Variants in CSMD1 observed in about 807,000 individuals in gnomAD.
CSMD1 encodes the protein CUB and sushi domain-containing protein 1.
CSMD1 carries 213 observed loss-of-function variants against 417.5 expected under a neutral mutation model. The ratio of observed to expected loss-of-function variants is 0.51; its 90% CI spans 0.46 to 0.57. The LOEUF is 0.57. CSMD1 is among the 20% of genes least tolerant of loss of function. CSMD1 has a pLI of 0.00. For missense variants in CSMD1, 6,923 were observed against 4,529.7 expected, an observed-to-expected ratio of 1.53 and a Z score of -15.17; for synonymous variants, 2,862 against 1,736.8, an observed-to-expected ratio of 1.65 and a Z score of -16.11.
intron 3 of CSMD1, among the ~76,000 whole-genome samples, chr8:4,160,386 T>G (rs542401633): frequency 6.6e-6 from 1 of 152,334 alleles, no homozygotes; most frequent in Admixed American, 6.5e-5. Context: ...TTTGGTGTTA[T>G]GTTGACATAT....
intron 3 of CSMD1, among the ~76,000 whole-genome samples, chr8:4,365,379 T>C (rs1371394466): frequency 6.6e-6 from 1 of 152,196 alleles, no homozygotes; most frequent in Non-Finnish European, 1.5e-5. Flanking sequence ...CACATTTCTG[T>C]ATTTTAGGTG....
chr8:3,316,947 G>A (rs1273075401), intron 23 of CSMD1, among the ~76,000 whole-genome samples: 1 of 152,176 alleles, frequency 6.6e-6, no homozygotes, highest in African/African-American at 2.4e-5. Context: ...ATTTAGTGCT[G>A]GAAAGGAGCC....
chr8:3,239,213 T>C (rs995745504), intron 26 of CSMD1, among the ~76,000 whole-genome samples: 2 of 152,114 alleles, frequency 1.3e-5, no homozygotes, highest in East Asian at 3.9e-4. Context: ...CTGAGGAGCG[T>C]AAGGGATATA....
intron 1 of CSMD1, among the ~76,000 whole-genome samples, chr8:4,823,982 G>C (rs879483652): frequency 1.3e-5 from 2 of 151,254 alleles, no homozygotes; most frequent in Non-Finnish European, 3.0e-5. Flanking sequence ...ACCCACGCAT[G>C]GACACACACA....
At chr8:3,451,892 T>C (rs191813147) in intron 12 of CSMD1, among the ~76,000 whole-genome samples, 99 of 152,332 alleles carry the variant, frequency 6.5e-4, no homozygotes, top group Non-Finnish European at 1.1e-3. Context: ...ATTGAATCTA[T>C]AAATTACCTT....
At chr8:4,843,927 A>G (rs1051679735) in intron 1 of CSMD1, among the ~76,000 whole-genome samples, 4 of 152,212 alleles carry the variant, frequency 2.6e-5, no homozygotes, top group African/African-American at 9.6e-5. Flanking sequence ...GAGTTAGTTC[A>G]GAAGCTAAGA....
At chr8:4,916,415 T>C (rs1324920969) in intron 1 of CSMD1, among the ~76,000 whole-genome samples, 1 of 152,250 alleles carries the variant, frequency 6.6e-6, no homozygotes, top group Non-Finnish European at 1.5e-5. Context: ...TATGCACATA[T>C]AAATATGGCT....
chr8:3,987,975 T>C (rs1229721022), intron 5 of CSMD1, among the ~76,000 whole-genome samples: 1 of 152,218 alleles, frequency 6.6e-6, no homozygotes, highest in African/African-American at 2.4e-5. Flanking sequence ...ACTGCTCAAC[T>C]TTTTAACTCA....
chr8:3,878,766 C>T (rs1250072253), intron 5 of CSMD1, among the ~76,000 whole-genome samples: 4 of 152,106 alleles, frequency 2.6e-5, no homozygotes, highest in Non-Finnish European at 5.9e-5. Context: ...GACAGTTATG[C>T]TTCCTGAGTT....
chr8:4,689,712 C>G (rs1265570304), intron 1 of CSMD1, among the ~76,000 whole-genome samples: 1 of 152,122 alleles, frequency 6.6e-6, no homozygotes. Flanking sequence ...GCCAAATGAA[C>G]TGCAGATCGT....
chr8:3,150,321 G>A (rs377749520), intron 40 of CSMD1, among the ~76,000 whole-genome samples: 3 of 152,222 alleles, frequency 2.0e-5, no homozygotes, highest in South Asian at 2.1e-4. Context: ...CGTCCCCATC[G>A]AGCTGCTCTT....
intron 2 of CSMD1, among the ~76,000 whole-genome samples, chr8:4,552,876 C>T (rs1797933747): frequency 6.6e-6 from 1 of 152,164 alleles, no homozygotes; most frequent in African/African-American, 2.4e-5. Context: ...AGAAGCTCTT[C>T]TTTTAAACCT....
intron 2 of CSMD1, among the ~76,000 whole-genome samples, chr8:4,505,862 G>A (rs534229364): frequency 2.0e-5 from 3 of 151,472 alleles, no homozygotes; most frequent in South Asian, 2.1e-4. Context: ...GTACAGTGGC[G>A]CGATCTCATC....
chr8:4,646,547 A>G (rs1803525908), intron 1 of CSMD1, among the ~76,000 whole-genome samples: 2 of 152,132 alleles, frequency 1.3e-5, no homozygotes, highest in African/African-American at 4.8e-5. Context: ...AAGGTGTAAA[A>G]CTACCAGTTG....
At chr8:3,936,129 A>G (rs1043405766) in intron 5 of CSMD1, among the ~76,000 whole-genome samples, 8 of 152,040 alleles carry the variant, frequency 5.3e-5, no homozygotes, top group Non-Finnish European at 1.0e-4. Flanking sequence ...GAGAGAAGTA[A>G]GGAAGCTGCA....
At chr8:3,850,131 G>A (rs908158256) in intron 5 of CSMD1, among the ~76,000 whole-genome samples, 7 of 152,198 alleles carry the variant, frequency 4.6e-5, no homozygotes, top group South Asian at 2.1e-4. Context: ...GGGCGATGTC[G>A]CCATTCTTAG....
At chr8:4,904,819 C>G (rs1805128488) in intron 1 of CSMD1, among the ~76,000 whole-genome samples, 1 of 152,142 alleles carries the variant, frequency 6.6e-6, no homozygotes, top group Non-Finnish European at 1.5e-5. Flanking sequence ...AACAGAAAGT[C>G]TGGCATGAAG....
chr8:3,696,452 T>G (rs1329933926), intron 7 of CSMD1, among the ~76,000 whole-genome samples: 2 of 152,318 alleles, frequency 1.3e-5, no homozygotes, highest in East Asian at 3.9e-4. Flanking sequence ...TCTGCACATC[T>G]CTTCTCTGTG....
intron 17 of CSMD1, among the ~76,000 whole-genome samples, chr8:3,394,173 A>G (rs952698443): frequency 4.8e-5 from 7 of 146,314 alleles, no homozygotes; most frequent in Admixed American, 4.1e-4. Context: ...AAAGAATACC[A>G]AAACATAGGG....
Sources: allele counts gnomAD v4.1 joint callset (sites outside exome capture counted in the v4.1 genomes callset), GRCh38; gene constraint gnomAD v4.1.1; transcripts MANE v1.5; gene names NCBI Gene and HGNC (gene_info 2026-07-23, HGNC 2026-07-21).